The following PRKD1 variants were observed in gnomAD, a reference collection of about 807,000 sequenced individuals.
The protein encoded by PRKD1 is serine/threonine-protein kinase D1.
A neutral mutation model predicts 95.9 loss-of-function variants in PRKD1; 63 were observed. The observed-to-expected ratio is 0.66, with a 90% CI of 0.54 to 0.81. The LOEUF (loss-of-function observed/expected upper bound fraction) is 0.81, where lower values mean the gene tolerates loss of function less well. PRKD1 is among the 30% of genes least tolerant of loss of function. The probability of loss-of-function intolerance (pLI) is 0.00; values close to 1 mark genes in which losing one functional copy is unlikely to be tolerated. For synonymous variants in PRKD1, 425 were observed against 423.1 expected, an observed-to-expected ratio of 1.00 and a Z score of -0.05; for missense variants, 1,048 against 1,165.3, an observed-to-expected ratio of 0.90 and a Z score of 1.47.
chr14:29,901,762 C>G (rs1053442142), intron 1 of PRKD1, among the ~76,000 whole-genome samples: 1 of 152,000 alleles, frequency 6.6e-6, no homozygotes, highest in African/African-American at 2.4e-5. Flanking sequence ...ATGCTGGGCC[C>G]TTTTCAAAAA....
chr14:29,918,617 C>G (rs181139481), intron 1 of PRKD1, among the ~76,000 whole-genome samples: 318 of 152,148 alleles, frequency 2.1e-3, no homozygotes, highest in Non-Finnish European at 2.9e-3. Flanking sequence ...TTTTAACTGC[C>G]CCTTCAGTCC....
At chr14:29,751,909 T>C (rs1199281339) in intron 1 of PRKD1, among the ~76,000 whole-genome samples, 1 of 152,232 alleles carries the variant, frequency 6.6e-6, no homozygotes, top group Non-Finnish European at 1.5e-5. Context: ...TACACATGTG[T>C]ACACACAAAT....
At chr14:29,738,832 C>CTTT (rs71443330) in intron 1 of PRKD1, among the ~76,000 whole-genome samples, 1 of 137,454 alleles carries the variant, frequency 7.3e-6, no homozygotes. Context: ...TTTCTTTTTT[C>CTTT]TTTTTTTTTT....
At chr14:29,876,614 C>T (rs1893298717) in intron 1 of PRKD1, among the ~76,000 whole-genome samples, 1 of 150,366 alleles carries the variant, frequency 6.7e-6, no homozygotes, top group Admixed American at 6.6e-5. Context: ...GACAGTGAGA[C>T]AATGCCTAAA....
chr14:29,687,059 G>C (rs1883921458), intron 2 of PRKD1, among the ~76,000 whole-genome samples: 1 of 151,980 alleles, frequency 6.6e-6, no homozygotes, highest in Non-Finnish European at 1.5e-5. Flanking sequence ...TCATGCTCAG[G>C]TCAGCGACCC....
At chr14:29,850,981 A>G (rs1455587950) in intron 1 of PRKD1, among the ~76,000 whole-genome samples, 1 of 152,204 alleles carries the variant, frequency 6.6e-6, no homozygotes, top group East Asian at 1.9e-4. Context: ...CAAAGTCAAC[A>G]AAAATAAGCA....
intron 2 of PRKD1, among the ~76,000 whole-genome samples, chr14:29,670,399 A>C (rs565707373): frequency 6.6e-6 from 1 of 152,330 alleles, no homozygotes; most frequent in African/African-American, 2.4e-5. Context: ...ATTGTACAGA[A>C]TCCTGAAGGT....
At chr14:29,843,173 TATA>T (rs1390078396) in intron 1 of PRKD1, among the ~76,000 whole-genome samples, 5 of 152,092 alleles carry the variant, frequency 3.3e-5, no homozygotes, top group Admixed American at 6.6e-5. Context: ...ATGGTGTCTT[TATA>T]ATAAGAAGAT....
At chr14:29,826,826 T>TACATATATATACAC (rs1310237149) in intron 1 of PRKD1, among the ~76,000 whole-genome samples, 2 of 21,190 alleles carry the variant, frequency 9.4e-5, no homozygotes, top group African/African-American at 2.2e-4. Flanking sequence ...CATATATATA[T>TACATATATATACAC]ATATATATAT....
chr14:29,693,018 T>C (rs922872312), intron 2 of PRKD1, among the ~76,000 whole-genome samples: 2 of 152,138 alleles, frequency 1.3e-5, no homozygotes, highest in East Asian at 1.9e-4. Context: ...TGCTCAGTAA[T>C]ACAATGCGTG....
At chr14:29,884,929 T>G (rs1893643714) in intron 1 of PRKD1, among the ~76,000 whole-genome samples, 1 of 152,076 alleles carries the variant, frequency 6.6e-6, no homozygotes, top group African/African-American at 2.4e-5. Context: ...AAGACCATCC[T>G]GGCTAACACA....
At chr14:29,647,581 A>G (rs540036556) in intron 4 of PRKD1, among the ~76,000 whole-genome samples, 1 of 152,222 alleles carries the variant, frequency 6.6e-6, no homozygotes, top group Non-Finnish European at 1.5e-5. Flanking sequence ...GCCTGGGTTT[A>G]TGGTCTCACT....
chr14:29,700,964 A>G (rs12894557), intron 2 of PRKD1, among the ~76,000 whole-genome samples: 1,340 of 43,990 alleles, frequency 0.03, 17 homozygotes, highest in African/African-American at 0.21. Flanking sequence ...ATTTGTGTGT[A>G]CGCGTGCGCA....
intron 1 of PRKD1, among the ~76,000 whole-genome samples, chr14:29,828,180 T>C (rs1366965497): frequency 2.6e-5 from 4 of 152,040 alleles, no homozygotes; most frequent in Admixed American, 2.6e-4. Context: ...ATAAAGAAAA[T>C]AGGTTAATTT....
chr14:29,814,892 T>C (rs1224473202), intron 1 of PRKD1, among the ~76,000 whole-genome samples: 2 of 152,222 alleles, frequency 1.3e-5, no homozygotes, highest in Non-Finnish European at 2.9e-5. Context: ...CAACTTGAAC[T>C]GTATCACCAT....
intron 1 of PRKD1, among the ~76,000 whole-genome samples, chr14:29,823,382 C>T (rs762034074): frequency 1.3e-5 from 2 of 151,970 alleles, no homozygotes; most frequent in Non-Finnish European, 2.9e-5. Flanking sequence ...ATTTGTTATT[C>T]GCAGAGCCTA....
chr14:29,735,828 A>T (rs11628638), intron 1 of PRKD1, among the ~76,000 whole-genome samples: 4,534 of 152,276 alleles, frequency 0.03, 156 homozygotes, highest in Admixed American at 0.09. Flanking sequence ...GTAATAAATA[A>T]TTTGGTGTTC....
At chr14:29,897,538 G>A (rs1246328892) in intron 1 of PRKD1, among the ~76,000 whole-genome samples, 3 of 152,082 alleles carry the variant, frequency 2.0e-5, no homozygotes, top group African/African-American at 7.2e-5. Context: ...ATGCAGCCCT[G>A]TTATGAAATT....
chr14:29,787,215 G>GTTTTTTTT (rs34161174), intron 1 of PRKD1, among the ~76,000 whole-genome samples: 3 of 85,246 alleles, frequency 3.5e-5, no homozygotes, highest in African/African-American at 9.1e-5. Flanking sequence ...TTTGTTCAGT[G>GTTTTTTTT]TTTTTTTTTT....
Sources: gnomAD v4.1 joint callset for allele counts (sites outside exome capture counted in the v4.1 genomes callset) on GRCh38, gnomAD v4.1.1 for gene constraint, MANE v1.5 for transcripts, NCBI Gene and HGNC (gene_info 2026-07-23, HGNC 2026-07-21) for gene names.